The following NR1H4 variants were observed in gnomAD, a reference collection of about 807,000 sequenced individuals.
NR1H4 encodes nuclear receptor subfamily 1 group H member 4, also known as bile acid receptor.
Under a neutral mutation model 58.5 loss-of-function variants are expected in NR1H4, and 23 were observed. The observed-to-expected ratio is 0.39, with a 90% CI of 0.28 to 0.56. The LOEUF is 0.56. NR1H4 is among the 20% of genes least tolerant of loss of function. NR1H4 has a pLI of 0.58. For missense variants in NR1H4, 487 were observed against 576.9 expected, an observed-to-expected ratio of 0.84 and a Z score of 1.60; for synonymous variants, 214 against 198.0, an observed-to-expected ratio of 1.08 and a Z score of -0.68.
Position 100,493,375 on chromosome 12 carries a change from G to GA in NR1H4, c.54dup (p.Phe19IlefsTer5). 3 of 1,569,208 alleles carry GA rather than the reference G, an allele frequency of 1.9e-6. No homozygotes were observed. Among genetic ancestry groups the GA allele is most frequent in the Non-Finnish European group, 2.6e-6 (3 of 1,144,866 alleles). On this transcript the variant is annotated frameshift_variant, in exon 3 of 11. Coordinates refer to ENST00000392986, the MANE Select transcript of NR1H4 (RefSeq NM_001206979.2). LOFTEE classifies it high-confidence loss of function. ...ACATTCCCATTTACCTACCACAGATGAATTTTCTTTTTCTGAAAATTTATT... is the reference window on the plus strand; with the variant it reads ...ACATTCCCATTTACCTACCACAGATGAAATTTTCTTTTTCTGAAAATTTATT...
intron 8 of NR1H4, 62 bp from the exon 9 acceptor site, chr12:100,540,610 A>G (rs1412580960): frequency 2.0e-5 from 31 of 1,545,994 alleles, no homozygotes; most frequent in African/African-American, 1.4e-4. Flanking sequence ...ATCAATGGCA[A>G]TGATGGTGAT....
chr12:100,546,624 G>A (rs1955076857), intron 9 of NR1H4, among the ~76,000 whole-genome samples: 1 of 152,116 alleles, frequency 6.6e-6, no homozygotes, highest in Non-Finnish European at 1.5e-5. Flanking sequence ...GAACCCAGGA[G>A]GTGGAGGCAG....
rs536694582 is a variant in NR1H4 at position 100,503,373 on chromosome 12, G to C, written c.80-7405G>C. The C allele has an allele frequency of 6.2e-5, 99 of 1,594,062 alleles. 1 individual carries two copies. In the East Asian group the frequency reaches 2.0e-3, roughly 33 times the overall value. The stretch of plus-strand genomic sequence containing the variant: ...TTACCTAGTCTCATTTTCAGTGGCT[G>C]TGAATAAGCTAAGAATGGTAATGCA... On this transcript the variant is annotated intron_variant, in intron 3 of 10. Transcript: ENST00000392986.
chr12:100,496,329 G>A (rs1194710475), intron 3 of NR1H4, among the ~76,000 whole-genome samples: 1 of 152,190 alleles, frequency 6.6e-6, no homozygotes, highest in Non-Finnish European at 1.5e-5. Context: ...ATAGCCTGGA[G>A]TGATGGGCTG....
chr12:100,557,482 A>G (rs781019274), intron 9 of NR1H4, among the ~76,000 whole-genome samples: 9 of 152,208 alleles, frequency 5.9e-5, no homozygotes, highest in Non-Finnish European at 1.0e-4. Context: ...AAAACATCCA[A>G]ACTATTTCAC....
intron 5 of NR1H4, among the ~76,000 whole-genome samples, chr12:100,533,730 C>G (rs1043403351): frequency 6.6e-5 from 10 of 152,168 alleles, no homozygotes; most frequent in Non-Finnish European, 4.4e-5. Flanking sequence ...TTTATGAACA[C>G]AAACTCATCC....
intron 3 of NR1H4, among the ~76,000 whole-genome samples, chr12:100,504,629 T>C (rs1953915184): frequency 6.6e-6 from 1 of 152,212 alleles, no homozygotes; most frequent in African/African-American, 2.4e-5. Flanking sequence ...CAGTTTCCAT[T>C]CTTTGTCTTA....
intron 10 of NR1H4, among the ~76,000 whole-genome samples, chr12:100,562,334 T>G (rs899220970): frequency 3.3e-5 from 5 of 152,198 alleles, no homozygotes; most frequent in Admixed American, 2.0e-4. Context: ...CAATATTTTT[T>G]CAGAAGGTGG....
At chr12:100,483,842 G>A (rs1953432526) in intron 1 of NR1H4, among the ~76,000 whole-genome samples, 1 of 151,940 alleles carries the variant, frequency 6.6e-6, no homozygotes, top group Admixed American at 6.6e-5. Flanking sequence ...AAATTAGCTG[G>A]GTGTGGTGGT....
intron 9 of NR1H4, among the ~76,000 whole-genome samples, chr12:100,555,736 A>C (rs1955308276): frequency 6.6e-6 from 1 of 152,224 alleles, no homozygotes; most frequent in Non-Finnish European, 1.5e-5. Flanking sequence ...AGATGAGAAA[A>C]TGAAGTCTTA....
intron 4 of NR1H4, among the ~76,000 whole-genome samples, chr12:100,522,005 C>T (rs1954432929): frequency 6.6e-6 from 1 of 151,972 alleles, no homozygotes; most frequent in African/African-American, 2.4e-5. Flanking sequence ...CTTTCCAATC[C>T]CAGCTGATTC....
chr12:100,548,095 C>T lies in NR1H4; in HGVS notation c.1078+7277C>T, dbSNP rs377588480. Among the ~76,000 whole-genome samples, 9 of 149,600 alleles carry T rather than the reference C, an allele frequency of 6.0e-5. No individual in the cohort carries two copies. The South Asian group carries it at 1.5e-3, about 25-fold the overall frequency. ...CTGAAGAATACTTATGAGCTGAGTGCGGTGGCTCACACCTGTAATCCCAGC... is the reference window on the plus strand; with the variant it reads ...CTGAAGAATACTTATGAGCTGAGTGTGGTGGCTCACACCTGTAATCCCAGC... On this transcript the variant is annotated intron_variant, in intron 9 of 10. Transcript: ENST00000392986.
At chr12:100,476,652 G>T (rs1953277795) in intron 1 of NR1H4, among the ~76,000 whole-genome samples, 1 of 152,172 alleles carries the variant, frequency 6.6e-6, no homozygotes, top group African/African-American at 2.4e-5. Context: ...CATAGAAAGA[G>T]ATTTCCCTTC....
chr12:100,494,035 G>C (rs1401177582), intron 3 of NR1H4, among the ~76,000 whole-genome samples: 1 of 152,118 alleles, frequency 6.6e-6, no homozygotes, highest in Non-Finnish European at 1.5e-5. Context: ...CAATATTTTG[G>C]GTGGGACAGG....
chr12:100,560,592 C>T (rs1485819416), intron 9 of NR1H4, among the ~76,000 whole-genome samples: 1 of 152,204 alleles, frequency 6.6e-6, no homozygotes, highest in Admixed American at 6.5e-5. Context: ...ATCTGAACAT[C>T]AGAAGGGACA....
At chr12:100,499,374 A>G (rs1000600382) in intron 3 of NR1H4, among the ~76,000 whole-genome samples, 1 of 152,216 alleles carries the variant, frequency 6.6e-6, no homozygotes, top group African/African-American at 2.4e-5. Flanking sequence ...ATATTTTGTC[A>G]CTGCTATTTC....
intron 3 of NR1H4, among the ~76,000 whole-genome samples, chr12:100,495,546 CATGGTTA>C (rs145597129): frequency 0.043 from 6,533 of 152,178 alleles, 214 homozygotes; most frequent in East Asian, 0.19. Flanking sequence ...TCCTGGCCAA[CATGGTTA>C]AACCCTGTCT....
chr12:100,510,691 C>A (rs1214023457), intron 3 of NR1H4, 87 bp from the exon 4 acceptor site: 2 of 1,376,674 alleles, frequency 1.5e-6, no homozygotes, highest in East Asian at 2.4e-5. Flanking sequence ...TTTCTTAGAG[C>A]CCACACTCCT....
intron 9 of NR1H4, among the ~76,000 whole-genome samples, chr12:100,544,019 A>G (rs1429168555): frequency 3.9e-5 from 6 of 152,182 alleles, no homozygotes; most frequent in East Asian, 1.9e-4. Context: ...TTGGGAGGCC[A>G]AGGCGGGTGG....
Sources: gnomAD v4.1 joint callset for allele counts (sites outside exome capture counted in the v4.1 genomes callset) on GRCh38, gnomAD v4.1.1 for gene constraint, MANE v1.5 for transcripts, NCBI Gene and HGNC (gene_info 2026-07-23, HGNC 2026-07-21) for gene names.